EBF1: variants seen among roughly 807,000 people sequenced by gnomAD.
EBF1 encodes transcription factor COE1.
A neutral mutation model predicts 68.4 loss-of-function variants in EBF1; 10 were observed. The observed-to-expected ratio is 0.15, with a 90% CI of 0.09 to 0.25. The LOEUF (loss-of-function observed/expected upper bound fraction) is 0.25, where lower values mean the gene tolerates loss of function less well. Among genes scored for constraint, EBF1 ranks in the 10% least tolerant of loss-of-function variants. EBF1 has a pLI of 1.00. For missense variants in EBF1, 509 were observed against 794.4 expected, an observed-to-expected ratio of 0.64 and a Z score of 4.32; for synonymous variants, 298 against 299.8, an observed-to-expected ratio of 0.99 and a Z score of 0.06.
intron 6 of EBF1, among the ~76,000 whole-genome samples, chr5:158,919,665 A>C (rs1414157309): frequency 6.6e-6 from 1 of 152,210 alleles, no homozygotes; most frequent in African/African-American, 2.4e-5. Flanking sequence ...AGGCTTATTA[A>C]CAGCATATGT....
At chr5:159,087,493 A>G (rs1019275311) in intron 4 of EBF1, among the ~76,000 whole-genome samples, 1 of 151,252 alleles carries the variant, frequency 6.6e-6, no homozygotes, top group African/African-American at 2.4e-5. Context: ...TATATAGAAA[A>G]GCTTGGTTTT....
chr5:159,081,346 T>C (rs1779707927), intron 5 of EBF1, among the ~76,000 whole-genome samples: 1 of 152,214 alleles, frequency 6.6e-6, no homozygotes, highest in East Asian at 1.9e-4. Flanking sequence ...CTAATTGTTG[T>C]TCATCTCTTA....
intron 6 of EBF1, among the ~76,000 whole-genome samples, chr5:158,982,414 T>A (rs1018450709): frequency 1.3e-5 from 2 of 152,204 alleles, no homozygotes; most frequent in African/African-American, 4.8e-5. Flanking sequence ...ATTGAGGGAC[T>A]ATTGCATGTC....
chr5:158,884,634 C>T (rs140229798), intron 6 of EBF1, among the ~76,000 whole-genome samples: 12 of 152,142 alleles, frequency 7.9e-5, no homozygotes, highest in African/African-American at 2.2e-4. Context: ...GAGACACACC[C>T]GACTCAGCCT....
chr5:158,750,660 T>C (rs1183982537), intron 10 of EBF1, among the ~76,000 whole-genome samples: 1 of 152,104 alleles, frequency 6.6e-6, no homozygotes, highest in Non-Finnish European at 1.5e-5. Context: ...CTTGGGCATA[T>C]TTTATTTCTA....
intron 6 of EBF1, among the ~76,000 whole-genome samples, chr5:159,016,539 T>A (rs1765655245): frequency 6.6e-6 from 1 of 152,198 alleles, no homozygotes; most frequent in African/African-American, 2.4e-5. Context: ...CTTTTTCATC[T>A]AATAGAAAAT....
intron 6 of EBF1, among the ~76,000 whole-genome samples, chr5:159,043,209 G>T (rs1451237500): frequency 6.6e-6 from 1 of 152,108 alleles, no homozygotes; most frequent in Non-Finnish European, 1.5e-5. Flanking sequence ...AACATTGGAG[G>T]CTTGGAACCC....
At chr5:158,797,988 T>C (rs556271762) in intron 8 of EBF1, among the ~76,000 whole-genome samples, 1 of 152,116 alleles carries the variant, frequency 6.6e-6, no homozygotes, top group African/African-American at 2.4e-5. Flanking sequence ...TAAACAAAAG[T>C]GACCTTTAAA....
intron 6 of EBF1, among the ~76,000 whole-genome samples, chr5:158,968,487 C>T (rs1754642465): frequency 6.6e-6 from 1 of 152,210 alleles, no homozygotes; most frequent in African/African-American, 2.4e-5. Flanking sequence ...CACTGCTAGA[C>T]ACAGAATGTC....
chr5:158,800,186 A>G (rs757820981), intron 8 of EBF1, among the ~76,000 whole-genome samples: 2 of 152,198 alleles, frequency 1.3e-5, no homozygotes, highest in Non-Finnish European at 2.9e-5. Flanking sequence ...ATAAACTGAT[A>G]TGGAAAGATT....
chr5:158,786,237 G>T, intron 9 of EBF1, among the ~76,000 whole-genome samples: 1 of 151,684 alleles, frequency 6.6e-6, no homozygotes, highest in East Asian at 1.9e-4. Flanking sequence ...GAAATATACT[G>T]CCCAGTTCTG....
chr5:158,928,327 T>C (rs1292380133), intron 6 of EBF1, among the ~76,000 whole-genome samples: 2 of 152,206 alleles, frequency 1.3e-5, no homozygotes, highest in Non-Finnish European at 2.9e-5. Flanking sequence ...TGTTCATTCA[T>C]TGTTCTCCCC....
At chr5:158,801,931 T>TA (rs1780666827) in intron 8 of EBF1, among the ~76,000 whole-genome samples, 2 of 152,142 alleles carry the variant, frequency 1.3e-5, no homozygotes, top group African/African-American at 4.8e-5. Context: ...GTCTCTTTAT[T>TA]AGCAAGGTGA....
chr5:159,018,466 G>A (rs995658584), intron 6 of EBF1, among the ~76,000 whole-genome samples: 12 of 152,164 alleles, frequency 7.9e-5, no homozygotes, highest in African/African-American at 2.9e-4. Flanking sequence ...TACATTTTGG[G>A]CTCACTAGGA....
chr5:159,052,378 T>C (rs1367815281), intron 6 of EBF1, among the ~76,000 whole-genome samples: 1 of 146,472 alleles, frequency 6.8e-6, no homozygotes, highest in African/African-American at 2.5e-5. Context: ...ACAGCAAAAA[T>C]ACACACATGG....
At chr5:158,803,559 A>G (rs892400181) in intron 8 of EBF1, among the ~76,000 whole-genome samples, 1 of 151,908 alleles carries the variant, frequency 6.6e-6, no homozygotes, top group Non-Finnish European at 1.5e-5. Flanking sequence ...CCATTCTCCA[A>G]CTGGATGCTT....
At chr5:158,976,311 A>G (rs1015876347) in intron 6 of EBF1, among the ~76,000 whole-genome samples, 1 of 152,070 alleles carries the variant, frequency 6.6e-6, no homozygotes, top group Non-Finnish European at 1.5e-5. Flanking sequence ...TTTAGGCAGA[A>G]TGGATTTCTT....
chr5:158,989,583 G>A lies in EBF1; in HGVS notation c.554+83813C>T, dbSNP rs908292458. On this transcript the variant is annotated intron_variant, in intron 6 of 15. Transcript: ENST00000313708. ...CGGGGACACAGCTTTTCTTACTAAA[G>A]CCTTCCTCTGTTTGTGTGCAGCTCC... Among the ~76,000 whole-genome samples, 4 of 152,202 alleles carry A rather than the reference G, an allele frequency of 2.6e-5. No homozygotes were observed. The East Asian group carries it at 5.8e-4, about 22-fold the overall frequency.
intron 6 of EBF1, among the ~76,000 whole-genome samples, chr5:159,008,630 A>AT (rs35446749): frequency 0.15 from 22,362 of 151,048 alleles, 1,792 homozygotes; most frequent in African/African-American, 0.19. Flanking sequence ...GGCTTCAACG[A>AT]TTCTCCCGCC....
Sources: gnomAD v4.1 joint callset for allele counts (sites outside exome capture counted in the v4.1 genomes callset) on GRCh38, gnomAD v4.1.1 for gene constraint, MANE v1.5 for transcripts, NCBI Gene and HGNC (gene_info 2026-07-23, HGNC 2026-07-21) for gene names.